PTGER3: variants seen among roughly 807,000 people sequenced by gnomAD.
PTGER3 encodes prostaglandin E receptor 3, also known as prostaglandin E2 receptor EP3 subtype.
A neutral mutation model predicts 34.7 loss-of-function variants in PTGER3; 22 were observed. That is an observed-to-expected ratio of 0.63 (90% CI 0.45 to 0.91). PTGER3 has a LOEUF of 0.91. PTGER3 is among the 40% of genes least tolerant of loss of function. The probability of loss-of-function intolerance (pLI) is 0.00; values close to 1 mark genes in which losing one functional copy is unlikely to be tolerated. For missense variants in PTGER3, 468 were observed against 519.4 expected, an observed-to-expected ratio of 0.90 and a Z score of 0.96; for synonymous variants, 241 against 230.1, an observed-to-expected ratio of 1.05 and a Z score of -0.43.
intron 4 of PTGER3, among the ~76,000 whole-genome samples, chr1:70,865,500 T>C (rs1390577274): frequency 1.3e-5 from 2 of 152,062 alleles, no homozygotes; most frequent in East Asian, 1.9e-4. Flanking sequence ...TCACTGGATG[T>C]TGGGAATAGA....
intron 4 of PTGER3, chr1:70,853,013 C>A: frequency 1.1e-6 from 1 of 924,368 alleles, no homozygotes; most frequent in South Asian, 1.6e-5. Context: ...AGAACAAGAA[C>A]GAAGTTGTGT....
intron 2 of PTGER3, among the ~76,000 whole-genome samples, chr1:70,988,687 A>G (rs188327083): frequency 1.3e-5 from 2 of 152,316 alleles, no homozygotes; most frequent in East Asian, 3.9e-4. Context: ...ATCTACATCC[A>G]GAATTTACAT....
intron 2 of PTGER3, among the ~76,000 whole-genome samples, chr1:70,964,507 C>T (rs991306923): frequency 1.3e-5 from 2 of 152,154 alleles, no homozygotes; most frequent in Non-Finnish European, 2.9e-5. Context: ...GCAGGAAAGA[C>T]AGCATGTGCA....
chr1:70,949,815 G>GTAGC (rs752100724), downstream of PTGER3, among the ~76,000 whole-genome samples: 2 of 152,148 alleles, frequency 1.3e-5, no homozygotes, highest in Non-Finnish European at 2.9e-5. Flanking sequence ...AACTTGAAAT[G>GTAGC]TAGCTAGCAT....
At chr1:70,929,021 T>C (rs1031671197) in intron 4 of PTGER3, among the ~76,000 whole-genome samples, 7 of 152,110 alleles carry the variant, frequency 4.6e-5, no homozygotes, top group Admixed American at 3.9e-4. Flanking sequence ...GTCCTCCAGA[T>C]CAGAGATTTT....
intron 1 of PTGER3, among the ~76,000 whole-genome samples, chr1:71,038,137 ACTT>A (rs1023053424): frequency 3.9e-5 from 6 of 152,250 alleles, no homozygotes; most frequent in Non-Finnish European, 5.9e-5. Context: ...TTAATCACAC[ACTT>A]CTTTTTTCCA....
intron 4 of PTGER3, among the ~76,000 whole-genome samples, chr1:70,867,803 A>T (rs1300887836): frequency 6.6e-6 from 1 of 152,220 alleles, no homozygotes; most frequent in African/African-American, 2.4e-5. Flanking sequence ...GCTAGATCTT[A>T]AGGAAGCTCT....
intron 4 of PTGER3, among the ~76,000 whole-genome samples, chr1:70,860,268 C>T (rs1192655195): frequency 6.6e-6 from 1 of 152,096 alleles, no homozygotes; most frequent in Non-Finnish European, 1.5e-5. Context: ...GTACAACAGG[C>T]ACTCAAATAA....
intron 1 of PTGER3, among the ~76,000 whole-genome samples, chr1:71,026,207 A>G (rs5024204): frequency 6.6e-6 from 1 of 152,020 alleles, no homozygotes; most frequent in African/African-American, 2.4e-5. Flanking sequence ...CTTTACAGCT[A>G]ACTCTTGTCC....
chr1:70,922,758 G>A (rs193202135), intron 4 of PTGER3, among the ~76,000 whole-genome samples: 109 of 152,238 alleles, frequency 7.2e-4, no homozygotes, highest in Admixed American at 7.1e-3. Flanking sequence ...AAGAAGTCTT[G>A]GGAATATGAA....
intron 4 of PTGER3, among the ~76,000 whole-genome samples, chr1:70,917,860 T>C (rs1647221056): frequency 6.6e-6 from 1 of 152,062 alleles, no homozygotes; most frequent in African/African-American, 2.4e-5. Context: ...AATAACTATC[T>C]ACTTCGTTCT....
At chr1:70,908,414 T>C (rs572439195) in intron 4 of PTGER3, among the ~76,000 whole-genome samples, 2 of 152,292 alleles carry the variant, frequency 1.3e-5, no homozygotes, top group Middle Eastern at 6.8e-3. Flanking sequence ...GGCGGTGTAC[T>C]GATACCTCAG....
At chr1:70,942,788 A>G (rs906860416) in intron 4 of PTGER3, among the ~76,000 whole-genome samples, 3 of 152,208 alleles carry the variant, frequency 2.0e-5, no homozygotes, top group African/African-American at 4.8e-5. Context: ...TGGTATCCTT[A>G]TAAGAAAAGG....
intron 1 of PTGER3, among the ~76,000 whole-genome samples, chr1:71,028,432 G>T: frequency 6.6e-6 from 1 of 152,154 alleles, no homozygotes; most frequent in East Asian, 1.9e-4. Flanking sequence ...TCTGAAGGCT[G>T]CCCTAATTTT....
chr1:71,008,751 A>G (rs1212987024), intron 2 of PTGER3: 2 of 970,246 alleles, frequency 2.1e-6, no homozygotes, highest in Non-Finnish European at 2.5e-6. Flanking sequence ...AACATATAAA[A>G]CAAGCAATAA....
chr1:70,905,550 A>G (rs925314365), intron 4 of PTGER3, among the ~76,000 whole-genome samples: 1 of 152,194 alleles, frequency 6.6e-6, no homozygotes, highest in Non-Finnish European at 1.5e-5. Flanking sequence ...GTCAAAGGAT[A>G]TCACTTTGGA....
At chr1:71,030,835 G>C (rs914402979) in intron 1 of PTGER3, among the ~76,000 whole-genome samples, 40 of 136,754 alleles carry the variant, frequency 2.9e-4, no homozygotes, top group African/African-American at 9.9e-4. Flanking sequence ...CAATTTCAGT[G>C]ATTTTTTTTT....
chr1:70,939,506 G>C lies in PTGER3; in HGVS notation c.*23+14257C>G, dbSNP rs545809017. 3.9e-5 allele frequency among the ~76,000 whole-genome samples: 6 copies of C among 152,356 alleles called. No homozygotes were observed. The South Asian group carries it at 1.2e-3, about 32-fold the overall frequency. The stretch of plus-strand genomic sequence containing the variant: ...TTCCCTTCTGCACTTCCCTAGTAGA[G>C]GTTCTCCATCAGGGCTCCGCCCCTG... On this transcript the variant is annotated intron_variant, in intron 4 of 4. Transcript: ENST00000370931.
intron 4 of PTGER3, among the ~76,000 whole-genome samples, chr1:70,871,617 C>A (rs1646165280): frequency 6.6e-6 from 1 of 151,988 alleles, no homozygotes; most frequent in African/African-American, 2.4e-5. Context: ...GAACTGAAAC[C>A]AATGATTAGT....
Sources: gnomAD v4.1 joint callset for allele counts (sites outside exome capture counted in the v4.1 genomes callset) on GRCh38, gnomAD v4.1.1 for gene constraint, MANE v1.5 for transcripts, NCBI Gene and HGNC (gene_info 2026-07-23, HGNC 2026-07-21) for gene names.